NPM2: variants seen among roughly 807,000 people sequenced by gnomAD.
The protein encoded by NPM2 is nucleoplasmin-2.
In NPM2, 25 loss-of-function variants were observed where a neutral mutation model predicts 32.0. That is an observed-to-expected ratio of 0.78 (90% CI 0.57 to 1.09). The LOEUF is 1.09. Ranked by LOEUF, NPM2 falls within the 50% of genes least tolerant of loss-of-function variation. The pLI, the probability that NPM2 is intolerant of heterozygous loss-of-function variation, is 0.00. For missense variants in NPM2, 282 were observed against 259.9 expected, an observed-to-expected ratio of 1.08 and a Z score of -0.58; for synonymous variants, 111 against 94.2, an observed-to-expected ratio of 1.18 and a Z score of -1.04.
rs189524554 is a variant in NPM2 at position 22,033,240 on chromosome 8, G to A, written c.364+17G>A. On this transcript the variant is annotated intron_variant, in intron 6 of 9. Coordinates refer to ENST00000518119, the MANE Select transcript of NPM2 (RefSeq NM_001286680.2). ...AACGTTATGGTAAGTCAGAGCCTGC[G>A]ATCAGGAAGGTCCGTGAGTACCGTG... The A allele has an allele frequency of 2.2e-4, 347 of 1,598,736 alleles. No homozygotes were observed. In the East Asian group the frequency reaches 2.3e-3, roughly 11 times the overall value.
At position 22,034,199 on chromosome 8, in the gene NPM2, A is replaced by C; in HGVS notation, c.455A>C (p.Asp152Ala). The C allele has an allele frequency of 6.2e-7, 1 of 1,613,022 alleles. No homozygotes were observed. Among genetic ancestry groups the C allele is most frequent in the African/African-American group, 1.3e-5 (1 of 75,040 alleles). ...EEEDDEDEDA[D>A]ISLEEQSPVK... ...GAAGATGATGAGGATGAGGATGCAG[A>C]TATATCTCTGGAGGAGCAAAGCCCT... Residue 152 changes from aspartate to alanine, a missense_variant, in exon 7 of 10, where the codon GAT (aspartate) becomes GCT (alanine). Physicochemically the swap from Asp to Ala is moderately radical, Grantham distance 126 (BLOSUM62 -2). Transcript: ENST00000518119.
At chr8:22,034,381 C>T in intron 7 of NPM2, 106 bp downstream of exon 7, 19 of 1,376,408 alleles carry the variant, frequency 1.4e-5, no homozygotes, top group Non-Finnish European at 1.9e-5. Context: ...AATGAGTGTA[C>T]AGGATGGGCC....
intron 8 of NPM2, among the ~76,000 whole-genome samples, chr8:22,035,071 C>T (rs1160309231): frequency 6.6e-6 from 1 of 152,100 alleles, no homozygotes; most frequent in Non-Finnish European, 1.5e-5. Context: ...CCACTGCGCT[C>T]CAGCCTGGAT....
intron 2 of NPM2, 34 bp from the exon 3 acceptor site, chr8:22,025,182 G>A: frequency 6.4e-7 from 1 of 1,555,950 alleles, no homozygotes; most frequent in Non-Finnish European, 8.7e-7. Context: ...TCAGGGTCAG[G>A]GAGCAAGGCC....
intron 4 of NPM2, 26 bp from the exon 5 acceptor site, chr8:22,025,621 G>C: frequency 6.2e-7 from 1 of 1,614,126 alleles, no homozygotes; most frequent in South Asian, 1.1e-5. Flanking sequence ...GGGTGATGAG[G>C]GGCCTCTATT....
Position 22,025,239 on chromosome 8 carries a change from G to T in NPM2, c.-10G>T, listed in dbSNP as rs752273168. 1.9e-6 allele frequency: 3 copies of T among 1,611,094 alleles called. No individual in the cohort carries two copies. Among genetic ancestry groups the T allele is most frequent in the Admixed American group, 3.4e-5 (2 of 59,142 alleles). ...AGCTGCCCGGCCAGCCCGCTTCTCT[G>T]CCCGGAGCCATGAATCTCAGTAGCG... On this transcript the variant is annotated 5_prime_UTR_variant, in exon 3 of 10. Transcript: ENST00000518119.
At chr8:22,030,107 G>A (rs1800387982) in intron 5 of NPM2, among the ~76,000 whole-genome samples, 1 of 152,098 alleles carries the variant, frequency 6.6e-6, no homozygotes, top group Admixed American at 6.5e-5. Flanking sequence ...TGTCCCCCGT[G>A]TTAGCTCCCC....
rs1800162053 is a variant in NPM2, at chr8:22,024,485, C to G, written c.-279C>G. ...TCCGCAATTGGCCGGGACAGCTTCT[C>G]ACGAAAGGTCCTGGGCCGGCATCAT... On this transcript the variant is annotated 5_prime_UTR_variant, in exon 1 of 10. Transcript: ENST00000518119. 6.6e-6 allele frequency: 1 copy of G among 152,492 alleles called. No homozygotes were observed. The highest frequency in any genetic ancestry group is 1.5e-5 in the Non-Finnish European group (1 of 68,282). The allele number at this position is 152,492 out of a possible 1,614,324, so 9.4% of individuals were successfully genotyped here.
intron 6 of NPM2, among the ~76,000 whole-genome samples, chr8:22,033,599 G>A (rs1350262065): frequency 6.6e-6 from 1 of 151,806 alleles, no homozygotes; most frequent in South Asian, 2.1e-4. Flanking sequence ...ATAGCAACGC[G>A]GCATGATGCT....
At chr8:22,033,789 C>G (rs1800521026) in intron 6 of NPM2, among the ~76,000 whole-genome samples, 1 of 152,148 alleles carries the variant, frequency 6.6e-6, no homozygotes, top group Non-Finnish European at 1.5e-5. Context: ...CCTACTCTGC[C>G]TACCTTTAGC....
At chr8:22,028,824 C>T (rs1800343008) in intron 5 of NPM2, among the ~76,000 whole-genome samples, 1 of 152,134 alleles carries the variant, frequency 6.6e-6, no homozygotes, top group African/African-American at 2.4e-5. Flanking sequence ...ATCTTTTACA[C>T]AGTATGTAGC....
intron 4 of NPM2, 22 bp downstream of exon 4, chr8:22,025,543 G>T: frequency 6.2e-7 from 1 of 1,613,790 alleles, no homozygotes; most frequent in South Asian, 1.1e-5. Context: ...CAAAAGAGGG[G>T]AGGAAGATGG....
chr8:22,024,747 G>A lies in NPM2; in HGVS notation c.-117G>A. ...AGGCTTCTTAGCCCGGGCTTGGACA[G>A]CCGCCTTCCGGCCAGAGGGGATGAG... is the stretch of plus-strand genomic sequence containing the variant. On this transcript the variant is annotated 5_prime_UTR_variant, in exon 2 of 10. Coordinates refer to ENST00000518119, the MANE Select transcript of NPM2 (RefSeq NM_001286680.2). 1 of 153,734 alleles carries A rather than the reference G, an allele frequency of 6.5e-6. No individual in the cohort carries two copies. Among genetic ancestry groups the A allele is most frequent in the Non-Finnish European group, 1.4e-5 (1 of 69,058 alleles). 9.5% of individuals were successfully genotyped at this position (153,734 alleles called of 1,614,324 possible).
At chr8:22,032,702 A>G (rs1800478280) in intron 5 of NPM2, among the ~76,000 whole-genome samples, 2 of 152,100 alleles carry the variant, frequency 1.3e-5, no homozygotes, top group Admixed American at 1.3e-4. Flanking sequence ...GTGGGGCAGG[A>G]GAGTGGAGAG....
At chr8:22,026,017 G>A (rs1235254318) in intron 5 of NPM2, among the ~76,000 whole-genome samples, 1 of 152,162 alleles carries the variant, frequency 6.6e-6, no homozygotes, top group South Asian at 2.1e-4. Context: ...GCCGGGTCAA[G>A]GACCAGAACT....
chr8:22,025,064 T>A, intron 2 of NPM2, 152 bp from the exon 3 acceptor site: 1 of 608,446 alleles, frequency 1.6e-6, no homozygotes, highest in South Asian at 2.2e-5. Flanking sequence ...GTACTCGTCC[T>A]CCAGGAGTTG....
intron 5 of NPM2, among the ~76,000 whole-genome samples, chr8:22,027,670 G>A (rs556675538): frequency 3.3e-5 from 5 of 150,396 alleles, no homozygotes; most frequent in Non-Finnish European, 5.9e-5. Context: ...GCAATGGTGC[G>A]CTCTCGGCTC....
intron 8 of NPM2, among the ~76,000 whole-genome samples, chr8:22,035,646 T>G (rs1435542445): frequency 6.6e-6 from 1 of 152,190 alleles, no homozygotes; most frequent in Non-Finnish European, 1.5e-5. Context: ...AAAAAGAGTT[T>G]GACCAGGCCG....
At position 22,034,458 on chromosome 8, in the gene NPM2, T is replaced by C. The variant is rs1045136854; in HGVS notation, c.532-52T>C. 17 of 1,545,872 alleles carry C rather than the reference T, an allele frequency of 1.1e-5. No homozygotes were observed. In the South Asian group the frequency reaches 1.9e-4, roughly 18 times the overall value. ...CCTTGTGGACTTTGGGAATCTGTTC[T>C]GGCTCTGGACTTTGTCTGAACTCTC... On this transcript the variant is annotated intron_variant, in intron 7 of 9. Coordinates refer to ENST00000518119, the MANE Select transcript of NPM2 (RefSeq NM_001286680.2).
Sources: allele counts gnomAD v4.1 joint callset (sites outside exome capture counted in the v4.1 genomes callset), GRCh38; gene constraint gnomAD v4.1.1; transcripts MANE v1.5; gene names NCBI Gene and HGNC (gene_info 2026-07-23, HGNC 2026-07-21).